HELZ: variants seen among roughly 807,000 people sequenced by gnomAD.
HELZ encodes the protein ATP-dependent RNA helicase with zinc finger domain.
A neutral mutation model predicts 218.2 loss-of-function variants in HELZ; 23 were observed. The observed-to-expected ratio is 0.11, with a 90% CI of 0.08 to 0.15. The LOEUF (loss-of-function observed/expected upper bound fraction) is 0.15. Among genes scored for constraint, HELZ ranks in the 10% least tolerant of loss-of-function variants. The pLI is 1.00. For missense variants in HELZ, 1,813 were observed against 2,353.7 expected (o/e 0.77, Z 4.75); for synonymous variants, 814 against 829.4 (o/e 0.98, Z 0.32).
In HELZ at chr17:67,218,778, T is replaced by C; in HGVS notation, c.27A>G (p.Ser9=). The change falls in exon 4 of 33, where the codon TCA becomes TCG. Residue 9 remains serine, a synonymous_variant. Transcript: ENST00000358691. MEDRRAEK[S]CEQACESLKR... is the part of the protein sequence containing the mutation. Reference sequence around the variant, plus strand: ...TAAGTGATTCACATGCTTGTTCACATGACTTTTCAGCTCTTCTGTCTTCCA... The same window carrying C: ...TAAGTGATTCACATGCTTGTTCACACGACTTTTCAGCTCTTCTGTCTTCCA... The C allele has an allele frequency of 6.2e-7, 1 of 1,614,226 alleles. No homozygotes were observed. Among genetic ancestry groups the C allele is most frequent in the Non-Finnish European group, 8.5e-7 (1 of 1,180,040 alleles).
chr17:67,078,331 C>T lies in HELZ; in HGVS notation c.5750G>A (p.Ser1917Asn). Residue 1917 changes from serine to asparagine, a missense_variant, in exon 33 of 33, where the codon AGC becomes AAC. Ser to Asn is a conservative substitution (Grantham distance 46). Coordinates refer to ENST00000358691, the MANE Select transcript of HELZ (RefSeq NM_014877.4). ...RPPPEQAKKSSDPLSLFQELS... is the reference protein window; with the variant it reads ...RPPPEQAKKSNDPLSLFQELS... ...TTCCTGGAAGAGAGACAGAGGGTCG[C>T]TACTCTTCTTGGCCTGCTCAGGAGG... is the stretch of plus-strand genomic sequence containing the variant. 2 of 1,614,078 alleles carry T rather than the reference C, an allele frequency of 1.2e-6. No homozygotes were observed. Among genetic ancestry groups the T allele is most frequent in the Non-Finnish European group, 1.7e-6 (2 of 1,179,972 alleles).
chr17:67,116,065 TTTACTGTAAA>T (rs1407575836), intron 27 of HELZ, among the ~76,000 whole-genome samples: 3 of 152,116 alleles, frequency 2.0e-5, no homozygotes, highest in Non-Finnish European at 2.9e-5. Context: ...TTAAGCTTCC[TTTACTGTAAA>T]TGAAGTGGTA....
chr17:67,093,497 A>C (rs2036635667), intron 31 of HELZ, among the ~76,000 whole-genome samples: 1 of 152,228 alleles, frequency 6.6e-6, no homozygotes, highest in African/African-American at 2.4e-5. Context: ...TCCTTCTCTA[A>C]AGCAATGCTG....
chr17:67,218,931 C>G, intron 3 of HELZ, 109 bp from the exon 4 acceptor site: 2 of 716,516 alleles, frequency 2.8e-6, no homozygotes, highest in Non-Finnish European at 4.6e-6. Context: ...ATACTCTCAG[C>G]TAGCCTTTTG....
chr17:67,080,333 G>C (rs1204224205), intron 32 of HELZ, among the ~76,000 whole-genome samples: 1 of 152,072 alleles, frequency 6.6e-6, no homozygotes, highest in Non-Finnish European at 1.5e-5. Flanking sequence ...TTCTATTTCT[G>C]TATCAGTATT....
In HELZ at chr17:67,203,529, G is replaced by A. The variant is rs2040221898; in HGVS notation, c.248-86C>T. 1.1e-5 allele frequency: 16 copies of A among 1,497,556 alleles called. No individual in the cohort carries two copies. In the Middle Eastern group the frequency reaches 5.3e-4, roughly 49 times the overall value. 92.8% of individuals were successfully genotyped at this position (1,497,556 alleles called of 1,614,324 possible). A position where few individuals can be genotyped will look rare whatever the true frequency, so the allele number is the denominator to read the frequency against. On this transcript the variant is annotated intron_variant, in intron 5 of 32. Coordinates refer to ENST00000358691, the MANE Select transcript of HELZ (RefSeq NM_014877.4). The stretch of plus-strand genomic sequence containing the variant: ...ATAGTATTAACACACTATCACAAGC[G>A]TGGCTTTTTATATGCTAAAAGAGTA...
At chr17:67,136,221 A>C in intron 22 of HELZ, 23 bp from the exon 23 acceptor site, 1 of 1,489,180 alleles carries the variant, frequency 6.7e-7, no homozygotes, top group East Asian at 2.3e-5. Flanking sequence ...TTTTTTAAGA[A>C]AAGACTTAAG....
intron 3 of HELZ, among the ~76,000 whole-genome samples, chr17:67,219,839 C>T (rs2040698363): frequency 6.6e-6 from 1 of 152,190 alleles, no homozygotes; most frequent in South Asian, 2.1e-4. Context: ...TAAGAGATCA[C>T]TAAAATAGTC....
chr17:67,166,555 T>G lies in HELZ; in HGVS notation c.1818A>C (p.Ala606=), dbSNP rs1350714930. 6.2e-7 allele frequency: 1 copy of G among 1,612,824 alleles called. No homozygotes were observed. Among genetic ancestry groups the G allele is most frequent in the Non-Finnish European group, 8.5e-7 (1 of 1,178,940 alleles). Reference sequence around the variant, plus strand: ...CCCCATTGTCCTTGATCCTGTCTAGTGCATAGTGCATTTCACAGAGGGGTA... The same window carrying G: ...CCCCATTGTCCTTGATCCTGTCTAGGGCATAGTGCATTTCACAGAGGGGTA... ...NRLPLCEMHY[A]LDRIKDNGVL... is the part of the protein sequence containing the mutation. The change falls in exon 15 of 33, where the codon GCA becomes GCC. Residue 606 remains alanine (A), a synonymous_variant. Coordinates refer to ENST00000358691, the MANE Select transcript of HELZ (RefSeq NM_014877.4).
intron 9 of HELZ, among the ~76,000 whole-genome samples, chr17:67,193,232 C>A (rs947498596): frequency 2.7e-5 from 4 of 150,776 alleles, no homozygotes; most frequent in African/African-American, 9.8e-5. Flanking sequence ...GTAGTCCCAG[C>A]TACTTGGGAG....
In HELZ at chr17:67,078,062, C is replaced by T. The variant is rs1044434712; in HGVS notation, c.*190G>A. 2.0e-6 allele frequency: 1 copy of T among 494,430 alleles called. No homozygotes were observed. Among genetic ancestry groups the T allele is most frequent in the East Asian group, 3.6e-5 (1 of 27,978 alleles). The allele number at this position is 494,430 out of a possible 1,614,324, so 30.6% of individuals were successfully genotyped here. On this transcript the variant is annotated 3_prime_UTR_variant, in exon 33 of 33. Transcript: ENST00000358691. ...AAAAGCTGTCAAAGTTTTGACACAT[C>T]AAAAATGCAAAATAATGGAATATAC...
At chr17:67,199,210 C>CTTTT (rs1156398239) in intron 7 of HELZ, among the ~76,000 whole-genome samples, 21 of 122,964 alleles carry the variant, frequency 1.7e-4, no homozygotes, top group South Asian at 5.4e-4. Flanking sequence ...TTTGCCATTA[C>CTTTT]TTTTTTTTTT....
At chr17:67,080,359 C>T (rs1567782523) in intron 32 of HELZ, among the ~76,000 whole-genome samples, 1 of 152,150 alleles carries the variant, frequency 6.6e-6, no homozygotes, top group African/African-American at 2.4e-5. Context: ...TTTTGTGGCC[C>T]TATAATAAAT....
rs986035660 is a variant in HELZ, at chr17:67,074,535, G to A, written c.*3717C>T. On this transcript the variant is annotated 3_prime_UTR_variant, in exon 33 of 33. Transcript: ENST00000358691. ...CAAAGGTGGCTCGCTCTAGCTAAGG[G>A]GGCTAGAGAAACATCTTTTACGTCT... 9.9e-5 allele frequency: 15 copies of A among 152,052 alleles called. No homozygotes were observed. Among genetic ancestry groups the A allele is most frequent in the Non-Finnish European group, 1.3e-4 (9 of 67,978 alleles). The allele number at this position is 152,052 out of a possible 1,614,324, so 9.4% of individuals were successfully genotyped here.
chr17:67,233,017 C>T (rs2143446168), intron 3 of HELZ, among the ~76,000 whole-genome samples: 1 of 152,296 alleles, frequency 6.6e-6, no homozygotes, highest in East Asian at 1.9e-4. Context: ...GACTGTAATC[C>T]CAGCTACTGG....
rs374317320 is a variant in HELZ at position 67,087,002 on chromosome 17, A to G, written c.5321T>C (p.Val1774Ala). 5.4e-5 allele frequency: 87 copies of G among 1,614,042 alleles called. No homozygotes were observed. In the African/African-American group the frequency reaches 1.0e-3, roughly 19 times the overall value. Residue 1774 changes from valine to alanine, a missense_variant, in exon 32 of 33, where the codon GTA becomes GCA. This residue lies in a region of HELZ where 938 missense variants were observed against 1,027.5 expected (regional missense o/e 0.91). Transcript: ENST00000358691. The stretch of plus-strand genomic sequence containing the variant: ...AGCCAGACTGTCTTGAGGAGTGCTT[A>G]CTTCTTCAGAACAAGGTTGAACTGA... ...SSSVQPCSEE[V>A]STPQDSLAQC...
At chr17:67,229,802 T>C (rs571831063) in intron 3 of HELZ, among the ~76,000 whole-genome samples, 1 of 152,228 alleles carries the variant, frequency 6.6e-6, no homozygotes. Context: ...TTTTACTCAT[T>C]GTACTGTACT....
intron 13 of HELZ, 147 bp from the exon 14 acceptor site, chr17:67,167,943 T>C: frequency 3.1e-6 from 2 of 646,708 alleles, no homozygotes; most frequent in South Asian, 2.5e-5. Flanking sequence ...AAACTGTATT[T>C]TTCTGCCTTT....
intron 15 of HELZ, among the ~76,000 whole-genome samples, chr17:67,165,063 G>A (rs532460948): frequency 6.6e-6 from 1 of 152,162 alleles, no homozygotes; most frequent in Non-Finnish European, 1.5e-5. Flanking sequence ...AATCCGAAGA[G>A]AACTGGGAGA....
Sources: gnomAD v4.1 joint callset for allele counts (sites outside exome capture counted in the v4.1 genomes callset) on GRCh38, gnomAD v4.1.1 for gene constraint, gnomAD v4.1.1 regional missense constraint, MANE v1.5 for transcripts, NCBI Gene and HGNC (gene_info 2026-07-23, HGNC 2026-07-21) for gene names.